Variants in SLIT3 observed in about 807,000 individuals in gnomAD.
SLIT3 encodes the protein slit homolog 3 protein.
A neutral mutation model predicts 184.0 loss-of-function variants in SLIT3; 68 were observed. That is an observed-to-expected ratio of 0.37 (90% CI 0.30 to 0.45). The LOEUF (loss-of-function observed/expected upper bound fraction) is 0.45, where lower values mean the gene tolerates loss of function less well. Among genes scored for constraint, SLIT3 ranks in the 20% least tolerant of loss-of-function variants. SLIT3 has a pLI of 1.00. For synonymous variants in SLIT3, 831 were observed against 828.6 expected, an observed-to-expected ratio of 1.00 and a Z score of -0.05; for missense variants, 1,707 against 2,026.0, an observed-to-expected ratio of 0.84 and a Z score of 3.02.
At chr5:169,022,087 CA>C (rs1251832987) in intron 4 of SLIT3, 2 of 152,216 alleles carry the variant, frequency 1.3e-5, no homozygotes, top group Admixed American at 1.3e-4. Flanking sequence ...GGGAAAACAT[CA>C]GGGGGCAAGC....
rs190467092 is a variant in SLIT3, at chr5:168,906,391, T to C, written c.414-23055A>G. ...TGAGAAAAGCACATTTAGCATTTGG[T>C]GATTCATACATGGGAAACATTATTG... is the stretch of plus-strand genomic sequence containing the variant. On this transcript the variant is annotated intron_variant, in intron 4 of 35. Coordinates refer to ENST00000519560, the MANE Select transcript of SLIT3 (RefSeq NM_003062.4). Among the ~76,000 whole-genome samples the C allele has an allele frequency of 1.4e-4, 22 of 152,328 alleles. No homozygotes were observed. In the East Asian group the frequency reaches 3.3e-3, roughly 23 times the overall value.
chr5:169,246,301 T>C (rs1026242218), intron 2 of SLIT3, among the ~76,000 whole-genome samples: 1 of 152,092 alleles, frequency 6.6e-6, no homozygotes. Context: ...CCTTACAAGC[T>C]CCTCACTTAA....
chr5:168,915,885 G>C (rs187315362), intron 4 of SLIT3, among the ~76,000 whole-genome samples: 11 of 152,310 alleles, frequency 7.2e-5, no homozygotes, highest in African/African-American at 1.9e-4. Flanking sequence ...GGACAACTGA[G>C]GGACTTGTAA....
chr5:169,204,639 G>A (rs987496075), intron 3 of SLIT3, among the ~76,000 whole-genome samples: 2 of 152,158 alleles, frequency 1.3e-5, no homozygotes, highest in African/African-American at 2.4e-5. Context: ...GGCCAGAGAC[G>A]GGTCACCTGT....
At chr5:168,764,546 T>C (rs1239133376) in intron 14 of SLIT3, among the ~76,000 whole-genome samples, 1 of 152,222 alleles carries the variant, frequency 6.6e-6, no homozygotes, top group African/African-American at 2.4e-5. Flanking sequence ...CATAGTGGGC[T>C]ATGGTGGTGA....
chr5:169,299,033 A>G (rs1767597852), intron 1 of SLIT3, among the ~76,000 whole-genome samples: 1 of 152,212 alleles, frequency 6.6e-6, no homozygotes, highest in African/African-American at 2.4e-5. Flanking sequence ...GGACTAACTT[A>G]ATGTCTGAAT....
chr5:169,114,162 A>C (rs1165654130), intron 4 of SLIT3, among the ~76,000 whole-genome samples: 1 of 152,172 alleles, frequency 6.6e-6, no homozygotes, highest in Admixed American at 6.5e-5. Flanking sequence ...GTGGAGTGTG[A>C]CCAGAGTAGG....
At chr5:168,958,963 G>A (rs753482772) in intron 4 of SLIT3, among the ~76,000 whole-genome samples, 7 of 152,214 alleles carry the variant, frequency 4.6e-5, no homozygotes, top group Non-Finnish European at 8.8e-5. Flanking sequence ...GCTACAGGGG[G>A]CTCCCCCATC....
intron 29 of SLIT3, among the ~76,000 whole-genome samples, chr5:168,689,609 T>TG (rs1197692389): frequency 6.6e-6 from 1 of 152,268 alleles, no homozygotes; most frequent in Non-Finnish European, 1.5e-5. Flanking sequence ...TAGCAGTACA[T>TG]GCTAGTCATT....
rs138819571 is a variant in SLIT3 at position 169,258,004 on chromosome 5, G to A, written c.198-6545C>T. 3.0e-3 allele frequency among the ~76,000 whole-genome samples: 453 copies of A among 152,278 alleles called. 7 individuals are homozygous for A. The highest frequency in any genetic ancestry group is 0.01 in the African/African-American group (427 of 41,534). On this transcript the variant is annotated intron_variant, in intron 1 of 35. Coordinates refer to ENST00000519560, the MANE Select transcript of SLIT3 (RefSeq NM_003062.4). ...CCAGGTACTGTGCTGAGGACTTTGT[G>A]TTCATTTATCTAATCCAGACAGCAA...
At chr5:168,672,676 G>A (rs965625354) in intron 33 of SLIT3, among the ~76,000 whole-genome samples, 17 of 152,130 alleles carry the variant, frequency 1.1e-4, no homozygotes, top group African/African-American at 3.9e-4. Context: ...GTCTCACTGT[G>A]TTGCCTAGGC....
intron 7 of SLIT3, among the ~76,000 whole-genome samples, chr5:168,819,349 T>C (rs1757444644): frequency 6.6e-6 from 1 of 152,228 alleles, no homozygotes; most frequent in Non-Finnish European, 1.5e-5. Context: ...TCGCCGGGTA[T>C]AAATGTTGCC....
chr5:168,950,127 G>C (rs1342948962), intron 4 of SLIT3, among the ~76,000 whole-genome samples: 1 of 151,980 alleles, frequency 6.6e-6, no homozygotes, highest in Admixed American at 6.6e-5. Flanking sequence ...GGGAGTTTGG[G>C]AGGTGATTAG....
At chr5:169,199,149 C>T (rs940740699) in intron 3 of SLIT3, among the ~76,000 whole-genome samples, 7 of 152,028 alleles carry the variant, frequency 4.6e-5, no homozygotes. Flanking sequence ...TGCATGAAGA[C>T]CTAATTAAGG....
intron 4 of SLIT3, among the ~76,000 whole-genome samples, chr5:169,092,117 G>A (rs76493495): frequency 0.026 from 3,993 of 152,230 alleles, 172 homozygotes; most frequent in African/African-American, 0.09. Context: ...CACCTACTTC[G>A]GAGGCTGAGG....
At chr5:169,212,979 C>T (rs1764315807) in intron 3 of SLIT3, among the ~76,000 whole-genome samples, 1 of 152,138 alleles carries the variant, frequency 6.6e-6, no homozygotes, top group Non-Finnish European at 1.5e-5. Context: ...TTTCTGAGGC[C>T]TCTGTTCTGT....
intron 4 of SLIT3, among the ~76,000 whole-genome samples, chr5:169,142,054 A>T (rs1202056279): frequency 1.4e-5 from 2 of 140,156 alleles, no homozygotes; most frequent in African/African-American, 2.7e-5. Flanking sequence ...CTACTCAAAA[A>T]AAAAATAAAA....
At chr5:168,942,117 T>C (rs1762352454) in intron 4 of SLIT3, among the ~76,000 whole-genome samples, 1 of 152,142 alleles carries the variant, frequency 6.6e-6, no homozygotes, top group Non-Finnish European at 1.5e-5. Context: ...CCAGAAGCAG[T>C]GACTTGTTCA....
intron 9 of SLIT3, among the ~76,000 whole-genome samples, chr5:168,802,581 C>A (rs540622463): frequency 6.6e-6 from 1 of 152,276 alleles, no homozygotes; most frequent in Admixed American, 6.5e-5. Context: ...ATGAGCTACT[C>A]CCAGGTTCAA....
Sources: gnomAD v4.1 joint callset for allele counts (sites outside exome capture counted in the v4.1 genomes callset) on GRCh38, gnomAD v4.1.1 for gene constraint, MANE v1.5 for transcripts, NCBI Gene and HGNC (gene_info 2026-07-23, HGNC 2026-07-21) for gene names.